Variants in IGSF3 observed in about 807,000 individuals in gnomAD.
The protein encoded by IGSF3 is glu-Trp-Ile EWI motif-containing protein 3.
IGSF3 carries 23 observed loss-of-function variants against 114.4 expected under a neutral mutation model. The ratio of observed to expected loss-of-function variants is 0.20; its 90% confidence interval spans 0.14 to 0.28. IGSF3 has a LOEUF of 0.28. Among genes scored for constraint, IGSF3 ranks in the 10% least tolerant of loss-of-function variants. The pLI is 1.00. For missense variants in IGSF3, 1,172 were observed against 1,591.5 expected (o/e 0.74, Z 4.48); for synonymous variants, 571 against 645.2 (o/e 0.88, Z 1.74).
rs757980646 is a variant in IGSF3, at chr1:116,608,018, C to T, written c.1146G>A (p.Glu382=). ...CAATGAATTCCCCGGTCACGGTTTTCTCTCGCTCAGTCACCCGGCAGTTGT... is the reference window on the plus strand; with the variant it reads ...CAATGAATTCCCCGGTCACGGTTTTTTCTCGCTCAGTCACCCGGCAGTTGT... ...GKYNCRVTER[E]KTVTGEFIDK... The change falls in exon 5 of 11, where the codon GAG becomes GAA. Residue 382 remains glutamate (E), a synonymous_variant. Coordinates refer to ENST00000369486, the MANE Select transcript of IGSF3 (RefSeq NM_001007237.3). 1.2e-6 allele frequency: 2 copies of T among 1,613,954 alleles called. No individual in the cohort carries two copies. Among genetic ancestry groups the T allele is most frequent in the South Asian group, 2.2e-5 (2 of 91,074 alleles).
chr1:116,617,302 G>A (rs1661259270), intron 2 of IGSF3: 1 of 982,692 alleles, frequency 1.0e-6, no homozygotes. Flanking sequence ...TCTTAAAGTG[G>A]CATGGTGAGT....
Position 116,616,262 on chromosome 1 carries a change from G to A in IGSF3, c.239C>T (p.Pro80Leu). The A allele has an allele frequency of 6.2e-7, 1 of 1,612,084 alleles. No homozygotes were observed. Among genetic ancestry groups the A allele is most frequent in the Non-Finnish European group, 8.5e-7 (1 of 1,179,410 alleles). The change falls in exon 3 of 11, where the codon CCC (proline) becomes CTC (leucine). Residue 80 changes from proline to leucine, a missense_variant. By Grantham distance (98) the Pro-to-Leu change is moderately conservative. Around this residue, in one of 3 missense-constraint regions of IGSF3, gnomAD observed 736 missense variants for 1,042.0 expected, o/e 0.71. Coordinates refer to ENST00000369486, the MANE Select transcript of IGSF3 (RefSeq NM_001007237.3). The surrounding 1 kb of genome is among the most constrained non-coding windows in gnomAD (Gnocchi z 6.6). The part of the protein sequence containing the change: ...QIVSTMDSSF[P>L]YAIYTQRVRG... ...GACGCGCTGGGTGTAGATGGCATAG[G>A]GGAAGGAAGAGTCCATGGTGCTGAC...
intron 6 of IGSF3, among the ~76,000 whole-genome samples, chr1:116,601,726 A>ATG (rs1660597862): frequency 6.6e-6 from 1 of 152,216 alleles, no homozygotes; most frequent in African/African-American, 2.4e-5. Context: ...CTATCTCTAT[A>ATG]TACCCTTTAA....
rs137931185 is a variant in IGSF3, at chr1:116,649,833, G to A, written c.43+16451C>T. Among the ~76,000 whole-genome samples, 1,406 of 152,208 alleles carry A rather than the reference G, an allele frequency of 9.2e-3. 29 individuals carry two copies. The highest frequency in any genetic ancestry group is 0.032 in the African/African-American group (1,326 of 41,538). The stretch of plus-strand genomic sequence containing the variant: ...TCACCATATAAACTCACAATTTGAG[G>A]TGCTCTAGAATCTGTCCGTGGAATT... On this transcript the variant is annotated intron_variant, in intron 2 of 10. Coordinates refer to ENST00000369486, the MANE Select transcript of IGSF3 (RefSeq NM_001007237.3). The surrounding 1 kb of genome is among the most constrained non-coding windows in gnomAD (Gnocchi z 4.5).
Position 116,661,536 on chromosome 1 carries a change from G to A in IGSF3, c.43+4748C>T, listed in dbSNP as rs1393934374. 1.3e-5 allele frequency among the ~76,000 whole-genome samples: 2 copies of A among 152,198 alleles called. No homozygotes were observed. The highest frequency in any genetic ancestry group is 2.9e-5 in the Non-Finnish European group (2 of 68,024). On this transcript the variant is annotated intron_variant, in intron 2 of 10. Coordinates refer to ENST00000369486, the MANE Select transcript of IGSF3 (RefSeq NM_001007237.3). This position sits in a 1 kb window ranked among gnomAD's most constrained non-coding sequence, Gnocchi z 4.0. ...TTAGGTTGCTTCCTATGAAACAAAC[G>A]TTGGTTCATCTAACTCATGCCTTCC...
At position 116,655,596 on chromosome 1, in the gene IGSF3, G is replaced by A. The variant is rs1460835282; in HGVS notation, c.43+10688C>T. Among the ~76,000 whole-genome samples the A allele has an allele frequency of 3.3e-5, 5 of 152,188 alleles. No homozygotes were observed. Among genetic ancestry groups the A allele is most frequent in the Admixed American group, 1.3e-4 (2 of 15,276 alleles). On this transcript the variant is annotated intron_variant, in intron 2 of 10. Transcript: ENST00000369486. The surrounding 1 kb of genome is among the most constrained non-coding windows in gnomAD (Gnocchi z 4.3). ...GGTTAAAGTCTTAAATGCTGAGCCC[G>A]TAGCCAGCAACCTTAAAGGCTACTC...
In IGSF3 at chr1:116,585,093, C is replaced by T; in HGVS notation, c.2441-41G>A. ...AGAGACGTCAGCGACAAAAGGACAA[C>T]AAGCAATTCGTACGCACCCTTTCCC... On this transcript the variant is annotated intron_variant, in intron 8 of 10. Coordinates refer to ENST00000369486, the MANE Select transcript of IGSF3 (RefSeq NM_001007237.3). The surrounding 1 kb of genome is among the most constrained non-coding windows in gnomAD (Gnocchi z 4.9). The T allele has an allele frequency of 6.7e-7, 1 of 1,482,096 alleles. No homozygotes were observed. The highest frequency in any genetic ancestry group is 9.0e-7 in the Non-Finnish European group (1 of 1,110,450). The allele number at this position is 1,482,096 out of a possible 1,614,324, so 91.8% of individuals were successfully genotyped here. A position where few individuals can be genotyped will look rare whatever the true frequency, so the allele number is the denominator to read the frequency against.
At chr1:116,643,927 T>C (rs1464963647) in intron 2 of IGSF3, among the ~76,000 whole-genome samples, 2 of 152,166 alleles carry the variant, frequency 1.3e-5, no homozygotes, top group South Asian at 4.1e-4. Flanking sequence ...GCAGGCGAGT[T>C]TGCCAGCCAG....
At chr1:116,604,112 A>G in intron 5 of IGSF3, 87 bp from the exon 6 acceptor site, 2 of 1,175,078 alleles carry the variant, frequency 1.7e-6, no homozygotes, top group Non-Finnish European at 2.3e-6. Flanking sequence ...AGGGGTGCAA[A>G]TGGAATCATA....
At position 116,662,368 on chromosome 1, in the gene IGSF3, G is replaced by A. The variant is rs1649153760; in HGVS notation, c.43+3916C>T. 1.3e-5 allele frequency among the ~76,000 whole-genome samples: 2 copies of A among 152,262 alleles called. No individual in the cohort carries two copies. The highest frequency in any genetic ancestry group is 4.1e-4 in the South Asian group (2 of 4,828). ...TTACAAGCATGAGCCACCATGCCCA[G>A]CTTAGGCAAGTTACTTAACCTCCCT... On this transcript the variant is annotated intron_variant, in intron 2 of 10. Transcript: ENST00000369486. This position sits in a 1 kb window ranked among gnomAD's most constrained non-coding sequence, Gnocchi z 4.3.
In IGSF3 at chr1:116,582,642, A is replaced by T. The variant is rs149304156; in HGVS notation, c.2848+2003T>A. Among the ~76,000 whole-genome samples, 62 of 152,368 alleles carry T rather than the reference A, an allele frequency of 4.1e-4. No individual in the cohort carries two copies. Among genetic ancestry groups the T allele is most frequent in the African/African-American group, 1.4e-3 (58 of 41,584 alleles). Reference sequence around the variant, plus strand: ...TCTGCACAATGAATGTTATGAAACCAGTAAAAATGGTGGCTATGAAATGCT... The same window carrying T: ...TCTGCACAATGAATGTTATGAAACCTGTAAAAATGGTGGCTATGAAATGCT... On this transcript the variant is annotated intron_variant, in intron 9 of 10. Transcript: ENST00000369486. The surrounding 1 kb of genome is among the most constrained non-coding windows in gnomAD (Gnocchi z 4.7).
At chr1:116,637,996 A>G (rs2336305) in intron 2 of IGSF3, among the ~76,000 whole-genome samples, 1 of 152,190 alleles carries the variant, frequency 6.6e-6, no homozygotes, top group East Asian at 1.9e-4. Flanking sequence ...TGTCCTGCCT[A>G]TAAGTATATC....
chr1:116,623,953 G>A (rs1424905596), intron 2 of IGSF3, among the ~76,000 whole-genome samples: 2 of 150,680 alleles, frequency 1.3e-5, no homozygotes, highest in Non-Finnish European at 3.0e-5. Context: ...CCAGCATGGT[G>A]ATGTGCGCCT....
chr1:116,577,313 T>C lies in IGSF3; in HGVS notation c.3584A>G (p.Ter1195=). 6.2e-7 allele frequency: 1 copy of C among 1,613,652 alleles called. No individual in the cohort carries two copies. The highest frequency in any genetic ancestry group is 1.1e-5 in the South Asian group (1 of 91,036). ...AACATCCGCTGGGGCATCACCCGCTTAGTCTATGGCCCCTGGATGGATACT... is the reference window on the plus strand; with the variant it reads ...AACATCCGCTGGGGCATCACCCGCTCAGTCTATGGCCCCTGGATGGATACT... ...VLSIHPGAID[*] is the part of the protein sequence containing the mutation. The change falls in exon 11 of 11, where the codon TAA becomes TGA. Residue 1195 remains the stop codon, a stop_retained_variant. Coordinates refer to ENST00000369486, the MANE Select transcript of IGSF3 (RefSeq NM_001007237.3). This position sits in a 1 kb window ranked among gnomAD's most constrained non-coding sequence, Gnocchi z 5.7.
At chr1:116,581,320 C>CTTTTTT (rs955415319) in intron 9 of IGSF3, among the ~76,000 whole-genome samples, 11 of 70,588 alleles carry the variant, frequency 1.6e-4, no homozygotes, top group African/African-American at 3.2e-4. Flanking sequence ...GTTTTGCTGT[C>CTTTTTT]TTTTTTTTTT....
At chr1:116,604,825 C>T (rs867278422) in intron 5 of IGSF3, among the ~76,000 whole-genome samples, 1 of 152,186 alleles carries the variant, frequency 6.6e-6, no homozygotes, top group Non-Finnish European at 1.5e-5. Context: ...TATCTGAATT[C>T]ACTCAATCAA....
rs369406152 is a variant in IGSF3 at position 116,584,999 on chromosome 1, G to A, written c.2494C>T (p.Arg832Trp). The A allele has an allele frequency of 1.5e-4, 241 of 1,577,550 alleles. No individual in the cohort carries two copies. The highest frequency in any genetic ancestry group is 1.3e-3 in the South Asian group (111 of 86,414). ...ACCACACACTCCAGCTGTACCTGCC[G>A]GGTCTCCAGAACCGACAGGTTCCCC... is the stretch of plus-strand genomic sequence containing the variant. ...AQGNLSVLET[R>W]QVQLECVVLN... The change falls in exon 9 of 11, where the codon CGG becomes TGG. Residue 832 changes from arginine (R) to tryptophan (W), a missense_variant. Transcript: ENST00000369486. The surrounding 1 kb of genome is among the most constrained non-coding windows in gnomAD (Gnocchi z 5.8).
In IGSF3 at chr1:116,627,212, G is replaced by A. The variant is rs948451945; in HGVS notation, c.44-10755C>T. On this transcript the variant is annotated intron_variant, in intron 2 of 10. Transcript: ENST00000369486. This position sits in a 1 kb window ranked among gnomAD's most constrained non-coding sequence, Gnocchi z 4.7. ...CAGAGGCTCAGTGAACCGCAGCTTA[G>A]AGTGAGTTCCAGTAAAAGGACCATC... Among the ~76,000 whole-genome samples the A allele has an allele frequency of 8.5e-5, 13 of 152,150 alleles. No individual in the cohort carries two copies. The highest frequency in any genetic ancestry group is 1.8e-4 in the Non-Finnish European group (12 of 68,030).
Position 116,638,558 on chromosome 1 carries a change from T to A in IGSF3, c.44-22101A>T, listed in dbSNP as rs1647935992. Among the ~76,000 whole-genome samples, 1 of 151,950 alleles carries A rather than the reference T, an allele frequency of 6.6e-6. No individual in the cohort carries two copies. Among genetic ancestry groups the A allele is most frequent in the Non-Finnish European group, 1.5e-5 (1 of 68,000 alleles). Reference sequence around the variant, plus strand: ...TGACACCCACCACTCCCTCCAAACATCCCCGGTACGTCTTACTGGATTTTG... The same window carrying A: ...TGACACCCACCACTCCCTCCAAACAACCCCGGTACGTCTTACTGGATTTTG... On this transcript the variant is annotated intron_variant, in intron 2 of 10. Transcript: ENST00000369486. This position sits in a 1 kb window ranked among gnomAD's most constrained non-coding sequence, Gnocchi z 4.1.
Sources: allele counts gnomAD v4.1 joint callset (sites outside exome capture counted in the v4.1 genomes callset), GRCh38; gene constraint gnomAD v4.1.1; regional missense constraint gnomAD v4.1.1; non-coding constraint Gnocchi (gnomAD v3.1); transcripts MANE v1.5; gene names NCBI Gene and HGNC (gene_info 2026-07-23, HGNC 2026-07-21).